The following ADGRE3 variants were observed in gnomAD, a reference collection of about 807,000 sequenced individuals.
ADGRE3 encodes adhesion G protein-coupled receptor E3.
Under a neutral mutation model 80.1 loss-of-function variants are expected in ADGRE3, and 88 were observed. The observed-to-expected ratio is 1.10, with a 90% CI of 0.93 to 1.31. ADGRE3 has a LOEUF of 1.31. Ranked by LOEUF, ADGRE3 falls within the 40% of genes most tolerant of loss-of-function variation. ADGRE3 has a pLI of 0.00. For synonymous variants in ADGRE3, 281 were observed against 294.8 expected, an observed-to-expected ratio of 0.95 and a Z score of 0.48; for missense variants, 715 against 776.5, an observed-to-expected ratio of 0.92 and a Z score of 0.94.
At chr19:14,605,297 C>T in the ADGRE3 span, among the ~76,000 whole-genome samples, 311 of 151,392 alleles carry the variant, frequency 2.1e-3, 1 homozygote, top group African/African-American at 7.2e-3. Flanking sequence ...GGTTTTGCCA[C>T]GTTGGCCAAG....
At chr19:14,605,102 AT>A in the ADGRE3 span, among the ~76,000 whole-genome samples, 38 of 146,530 alleles carry the variant, frequency 2.6e-4, no homozygotes, top group Admixed American at 3.4e-4. Context: ...ACCTCCCCAC[AT>A]TTTTTTTTTT....
chr19:14,647,413 T>C, intron 7 of ADGRE3, 48 bp from the exon 8 acceptor site: 3 of 592,326 alleles, frequency 5.1e-6, no homozygotes, highest in Non-Finnish European at 6.5e-6. Flanking sequence ...TTTCTTTCTT[T>C]TTTTTTTTTT....
At chr19:14,647,407 T>TTTA in intron 7 of ADGRE3, 42 bp from the exon 8 acceptor site, 2 of 1,365,464 alleles carry the variant, frequency 1.5e-6, no homozygotes, top group Non-Finnish European at 2.0e-6. Flanking sequence ...TTTTCTTTTC[T>TTTA]TTCTTTTTTT....
chr19:14,655,717 C>T (rs577821029), intron 5 of ADGRE3, among the ~76,000 whole-genome samples: 1 of 152,028 alleles, frequency 6.6e-6, no homozygotes, highest in Non-Finnish European at 1.5e-5. Flanking sequence ...CTGCCTTGGC[C>T]TTCCAAAGTG....
At chr19:14,603,331 G>A in the ADGRE3 span, among the ~76,000 whole-genome samples, 1 of 152,124 alleles carries the variant, frequency 6.6e-6, no homozygotes. Context: ...TCTACAGACT[G>A]AATGATCCTG....
intron 3 of ADGRE3, 102 bp from the exon 4 acceptor site, chr19:14,662,220 C>T: frequency 3.5e-6 from 4 of 1,156,108 alleles, no homozygotes; most frequent in Non-Finnish European, 4.9e-6. Context: ...TCTGTCCTGG[C>T]TTTCCGAGAC....
At chr19:14,655,202 G>A (rs1191196483) in intron 5 of ADGRE3, 37 bp from the exon 6 acceptor site, 4 of 1,566,910 alleles carry the variant, frequency 2.6e-6, no homozygotes, top group African/African-American at 1.4e-5. Flanking sequence ...TTTTAAAAAT[G>A]TAATCTGGTA....
At chr19:14,638,893 G>A (rs1028331657) in intron 10 of ADGRE3, among the ~76,000 whole-genome samples, 1 of 152,120 alleles carries the variant, frequency 6.6e-6, no homozygotes, top group Non-Finnish European at 1.5e-5. Context: ...TGCTAAAAGA[G>A]TGGATTTTGT....
intron 9 of ADGRE3, among the ~76,000 whole-genome samples, chr19:14,642,479 T>C (rs1047756671): frequency 1.3e-5 from 2 of 152,250 alleles, no homozygotes; most frequent in Non-Finnish European, 2.9e-5. Flanking sequence ...GTTTGTTACA[T>C]AGGTAAACCC....
chr19:14,653,256 G>A (rs1363334929), intron 6 of ADGRE3, among the ~76,000 whole-genome samples: 2 of 151,948 alleles, frequency 1.3e-5, no homozygotes, highest in African/African-American at 2.4e-5. Context: ...AGGATTACAG[G>A]ATGAGCCACC....
At chr19:14,602,277 G>C in the ADGRE3 span, among the ~76,000 whole-genome samples, 2 of 151,256 alleles carry the variant, frequency 1.3e-5, no homozygotes, top group Non-Finnish European at 3.0e-5. Context: ...CTTTTAATTG[G>C]TGTTTTCATT....
In ADGRE3 at chr19:14,638,178, C is replaced by T. The variant is rs553930762; in HGVS notation, c.1411G>A (p.Gly471Ser). The change falls in exon 11 of 16, where the codon GGC becomes AGC. Residue 471 changes from glycine to serine, a missense_variant. Physicochemically the swap from Gly to Ser is moderately conservative, Grantham distance 56 (BLOSUM62 0). Coordinates refer to ENST00000253673, the MANE Select transcript of ADGRE3 (RefSeq NM_032571.5). ...ACAGTCACAGCGGGAACGCCATAGC[C>T]GACTGGGAACATGATCCACTTCATG... ...RLMKWIMFPVGYGVPAVTVAI... is the reference protein window; with the variant it reads ...RLMKWIMFPVSYGVPAVTVAI... The T allele has an allele frequency of 2.0e-5, 32 of 1,614,056 alleles. No homozygotes were observed. The highest frequency in any genetic ancestry group is 2.7e-5 in the African/African-American group (2 of 75,002).
chr19:14,668,008 A>G (rs1371422733), intron 2 of ADGRE3, among the ~76,000 whole-genome samples: 1 of 152,018 alleles, frequency 6.6e-6, no homozygotes, highest in African/African-American at 2.4e-5. Flanking sequence ...AATCCCAGCA[A>G]TTTGGGAGGT....
chr19:14,654,989 A>C lies in ADGRE3; in HGVS notation c.570T>G (p.Asp190Glu), dbSNP rs772519761. ...TCCTCATTATTGTCTTACCTACACT[A>C]TCGTTTTGGATTTTCAGGACTTTTT... ...PEQKVLKIQN[D>E]SVAIETQAIT... The change falls in exon 6 of 16, where the codon GAT becomes GAG. Residue 190 changes from aspartate to glutamate, a missense_variant. Physicochemically the swap from Asp to Glu is conservative, Grantham distance 45 (BLOSUM62 2). Transcript: ENST00000253673. The C allele has an allele frequency of 8.7e-6, 14 of 1,613,540 alleles. No individual in the cohort carries two copies. The Admixed American group carries it at 1.5e-4, about 17-fold the overall frequency.
downstream of ADGRE3, among the ~76,000 whole-genome samples, chr19:14,618,083 C>T (rs1477199765): frequency 6.6e-6 from 1 of 151,966 alleles, no homozygotes; most frequent in African/African-American, 2.4e-5. Flanking sequence ...AGTCCAGGCT[C>T]TTTTACACTT....
intron 1 of ADGRE3, among the ~76,000 whole-genome samples, chr19:14,672,019 G>A (rs1285836514): frequency 6.6e-6 from 1 of 152,092 alleles, no homozygotes; most frequent in African/African-American, 2.4e-5. Context: ...CAAAGTGTTG[G>A]CATTATATGC....
chr19:14,641,143 G>A (rs763738888), intron 10 of ADGRE3, among the ~76,000 whole-genome samples: 4 of 152,012 alleles, frequency 2.6e-5, no homozygotes, highest in African/African-American at 7.3e-5. Context: ...AAACGCTGTC[G>A]TTCTAAACTA....
At chr19:14,636,428 C>T (rs776536970) in intron 11 of ADGRE3, among the ~76,000 whole-genome samples, 12 of 151,226 alleles carry the variant, frequency 7.9e-5, no homozygotes, top group Non-Finnish European at 1.5e-4. Flanking sequence ...GCTGGTCCCG[C>T]ACTCCTGGCC....
intron 7 of ADGRE3, among the ~76,000 whole-genome samples, chr19:14,647,649 C>T (rs1285686337): frequency 6.6e-6 from 1 of 151,618 alleles, no homozygotes; most frequent in Non-Finnish European, 1.5e-5. Flanking sequence ...AACTCCTGAC[C>T]TCAGGTGATC....
Sources: allele counts gnomAD v4.1 joint callset (sites outside exome capture counted in the v4.1 genomes callset), GRCh38; gene constraint gnomAD v4.1.1; transcripts MANE v1.5; gene names NCBI Gene and HGNC (gene_info 2026-07-23, HGNC 2026-07-21).